Variants in TTC23 observed in about 807,000 individuals in gnomAD.
The protein encoded by TTC23 is tetratricopeptide repeat protein 23.
In TTC23, 58 loss-of-function variants were observed where a neutral mutation model predicts 55.1. The observed-to-expected ratio is 1.05, with a 90% CI of 0.85 to 1.31. The LOEUF (loss-of-function observed/expected upper bound fraction) is 1.31. TTC23 is among the 50% of genes most tolerant of loss of function. The pLI, the probability that TTC23 is intolerant of heterozygous loss-of-function variation, is 0.00. For missense variants in TTC23, 516 were observed against 534.4 expected (o/e 0.97, Z 0.34); for synonymous variants, 203 against 199.9 (o/e 1.02, Z -0.13).
At chr15:99,206,277 T>G (rs1004965648) in intron 8 of TTC23, among the ~76,000 whole-genome samples, 1 of 152,158 alleles carries the variant, frequency 6.6e-6, no homozygotes, top group African/African-American at 2.4e-5. Context: ...TTTTCTTTTT[T>G]GATGTGTCTT....
chr15:99,218,271 A>G (rs905087556), intron 8 of TTC23, among the ~76,000 whole-genome samples: 20 of 152,162 alleles, frequency 1.3e-4, no homozygotes, highest in Non-Finnish European at 2.4e-4. Flanking sequence ...CAGGGCAGGG[A>G]AAAAAGGAAG....
intron 4 of TTC23, among the ~76,000 whole-genome samples, chr15:99,234,425 C>G (rs2079152266): frequency 6.6e-6 from 1 of 152,130 alleles, no homozygotes; most frequent in African/African-American, 2.4e-5. Flanking sequence ...GGCTGGAGTG[C>G]AGTGGCGTGA....
At chr15:99,250,972 T>C (rs1291371422), upstream of TTC23, among the ~76,000 whole-genome samples, 4 of 152,148 alleles carry the variant, frequency 2.6e-5, no homozygotes, top group African/African-American at 9.7e-5. Flanking sequence ...TGTCATGGGA[T>C]TGCTGTCAAG....
intron 8 of TTC23, among the ~76,000 whole-genome samples, chr15:99,201,479 AG>A (rs1290908052): frequency 6.6e-6 from 1 of 152,186 alleles, no homozygotes; most frequent in Non-Finnish European, 1.5e-5. Context: ...TACAAAAAAT[AG>A]GTATTATTTT....
intron 9 of TTC23, among the ~76,000 whole-genome samples, chr15:99,176,102 C>T (rs1303934561): frequency 6.6e-6 from 1 of 152,202 alleles, no homozygotes; most frequent in African/African-American, 2.4e-5. Flanking sequence ...TAAAAAGTAA[C>T]TACTCAACTC....
At chr15:99,155,562 G>C (rs991584119) in intron 12 of TTC23, 4 of 152,238 alleles carry the variant, frequency 2.6e-5, no homozygotes, top group Admixed American at 2.0e-4. Flanking sequence ...TAAAATCTCT[G>C]TAATTAAAAC....
chr15:99,183,996 T>TTGGG (rs1337057648), intron 9 of TTC23, among the ~76,000 whole-genome samples: 1 of 152,128 alleles, frequency 6.6e-6, no homozygotes, highest in East Asian at 1.9e-4. Context: ...AAGGTACAGC[T>TTGGG]TGGGTGTGGC....
intron 9 of TTC23, among the ~76,000 whole-genome samples, chr15:99,177,780 T>G (rs564864130): frequency 9.8e-5 from 15 of 152,374 alleles, no homozygotes; most frequent in African/African-American, 3.6e-4. Flanking sequence ...TCTAACAAAA[T>G]TATTTTCAAA....
At chr15:99,185,655 A>G (rs536820103) in intron 9 of TTC23, among the ~76,000 whole-genome samples, 17 of 152,328 alleles carry the variant, frequency 1.1e-4, no homozygotes, top group East Asian at 3.9e-4. Context: ...TCTCACTCAC[A>G]TAAGTAGAAC....
At chr15:99,164,779 A>C (rs2071828797) in intron 10 of TTC23, among the ~76,000 whole-genome samples, 1 of 152,156 alleles carries the variant, frequency 6.6e-6, no homozygotes, top group African/African-American at 2.4e-5. Flanking sequence ...GGTGCTTCCC[A>C]AGTGGCCTCC....
chr15:99,237,329 A>G (rs530241449), intron 3 of TTC23, among the ~76,000 whole-genome samples: 2 of 152,316 alleles, frequency 1.3e-5, no homozygotes, highest in East Asian at 3.9e-4. Context: ...TATTATAAAA[A>G]GACTTACATA....
rs552532802 is a variant in TTC23, at chr15:99,199,945, C to T, written c.733G>A (p.Asp245Asn). The change falls in exon 9 of 14, where the codon GAT becomes AAT. Residue 245 changes from aspartate (D) to asparagine (N), a missense_variant. Asp to Asn is a conservative substitution (Grantham distance 23). Coordinates refer to ENST00000394132, the MANE Select transcript of TTC23 (RefSeq NM_001288615.3). ...TGGAGGAAGTGGTTGATGGATACAT[C>T]GTGGAGTCCCAGGGCTTGCTCTACA... is the stretch of plus-strand genomic sequence containing the variant. Reference protein sequence around the residue: ...AGVEQALGLHDVSINHFLQAH... With the variant: ...AGVEQALGLHNVSINHFLQAH... 5.3e-5 allele frequency: 86 copies of T among 1,612,364 alleles called. No homozygotes were observed. The highest frequency in any genetic ancestry group is 4.7e-4 in the East Asian group (21 of 44,752).
At chr15:99,214,147 CT>C (rs949855481) in intron 8 of TTC23, among the ~76,000 whole-genome samples, 2 of 152,066 alleles carry the variant, frequency 1.3e-5, no homozygotes, top group African/African-American at 2.4e-5. Flanking sequence ...CAGAGTTTTG[CT>C]TTGTCATCCA....
chr15:99,192,849 C>G (rs976388241), intron 9 of TTC23, among the ~76,000 whole-genome samples: 2 of 152,190 alleles, frequency 1.3e-5, no homozygotes, highest in African/African-American at 4.8e-5. Context: ...GTGAAGGCAG[C>G]TGGGAGGGAG....
intron 12 of TTC23, among the ~76,000 whole-genome samples, chr15:99,148,360 C>CAAAAA (rs57733522): frequency 0.13 from 4,022 of 30,338 alleles, 1,274 homozygotes; most frequent in Middle Eastern, 0.14. Context: ...GACTCTGTAC[C>CAAAAA]AAAAAAAAAA....
chr15:99,249,886 T>C (rs774788073), upstream of TTC23: 14 of 152,192 alleles, frequency 9.2e-5, no homozygotes, highest in Non-Finnish European at 1.9e-4. Flanking sequence ...TCAAATATAA[T>C]CACTTGGTAA....
chr15:99,146,926 G>GT lies in TTC23; in HGVS notation c.1144-7528dup, dbSNP rs1218425668. The stretch of plus-strand genomic sequence containing the variant: ...CAAGGGGGGCTCCACATTCATTCTT[G>GT]TTTTTTGAGACGGAGTCTCGCTCTG... On this transcript the variant is annotated intron_variant, in intron 12 of 13. Coordinates refer to ENST00000394132, the MANE Select transcript of TTC23 (RefSeq NM_001288615.3). Among the ~76,000 whole-genome samples, 9 of 152,172 alleles carry GT rather than the reference G, an allele frequency of 5.9e-5. No homozygotes were observed. The East Asian group carries it at 9.6e-4, about 16-fold the overall frequency.
In TTC23 at chr15:99,162,028, T is replaced by C. The variant is rs2071443946; in HGVS notation, c.866-161A>G. 2.0e-5 allele frequency among the ~76,000 whole-genome samples: 3 copies of C among 152,244 alleles called. No individual in the cohort carries two copies. The South Asian group carries it at 6.2e-4, about 31-fold the overall frequency. ...TTGCCCATTAATCTGCCTGTTTCAT[T>C]AGAAAGGATTTAGGTCTTGAAGGAT... On this transcript the variant is annotated intron_variant, in intron 10 of 13. Transcript: ENST00000394132.
chr15:99,184,718 G>A (rs760732394), intron 9 of TTC23, among the ~76,000 whole-genome samples: 1 of 152,140 alleles, frequency 6.6e-6, no homozygotes, highest in Non-Finnish European at 1.5e-5. Flanking sequence ...TTGGGTTAAC[G>A]TTGGAATGAG....
Sources: allele counts gnomAD v4.1 joint callset (sites outside exome capture counted in the v4.1 genomes callset), GRCh38; gene constraint gnomAD v4.1.1; transcripts MANE v1.5; gene names NCBI Gene and HGNC (gene_info 2026-07-23, HGNC 2026-07-21).